The following SBF2 variants were observed in gnomAD, a reference collection of about 807,000 sequenced individuals.
SBF2 encodes SET binding factor 2.
SBF2 carries 112 observed loss-of-function variants against 225.2 expected under a neutral mutation model. The observed-to-expected ratio is 0.50, with a 90% CI of 0.43 to 0.58. SBF2 has a LOEUF of 0.58. SBF2 is among the 20% of genes least tolerant of loss of function. SBF2 has a pLI of 0.00. For synonymous variants in SBF2, 763 were observed against 773.3 expected (o/e 0.99, Z 0.22); for missense variants, 1,996 against 2,206.2 (o/e 0.90, Z 1.91).
intron 19 of SBF2, among the ~76,000 whole-genome samples, 188 bp downstream of exon 19, chr11:9,856,270 G>A (rs1017895189): frequency 6.6e-6 from 1 of 152,182 alleles, no homozygotes; most frequent in African/African-American, 2.4e-5. Context: ...TGTGGGAAGT[G>A]GTTAAGAATA....
chr11:10,180,999 A>C (rs756637302), intron 2 of SBF2, among the ~76,000 whole-genome samples: 5 of 152,112 alleles, frequency 3.3e-5, no homozygotes, highest in Non-Finnish European at 7.4e-5. Context: ...TCTTTGGAAA[A>C]AATAAAAGCT....
At chr11:10,269,816 C>G (rs1962323957) in intron 1 of SBF2, among the ~76,000 whole-genome samples, 1 of 152,100 alleles carries the variant, frequency 6.6e-6, no homozygotes, top group Admixed American at 6.6e-5. Context: ...GGCTAGAGTA[C>G]AGTAGTGCAA....
Position 9,779,691 on chromosome 11 carries a change from A to G in SBF2, c.*727T>C, listed in dbSNP as rs1851897874. The G allele has an allele frequency of 6.5e-6, 1 of 152,940 alleles. No homozygotes were observed. Among genetic ancestry groups the G allele is most frequent in the Non-Finnish European group, 1.5e-5 (1 of 68,266 alleles). 9.5% of individuals were successfully genotyped at this position (152,940 alleles called of 1,614,324 possible). A position where few individuals can be genotyped will look rare whatever the true frequency, so the allele number is the denominator to read the frequency against. Reference sequence around the variant, plus strand: ...AGCTGTCAGGAAGCAGAAGATACATAAGAACACAAGGCCCTGGATCCTCAG... The same window carrying G: ...AGCTGTCAGGAAGCAGAAGATACATGAGAACACAAGGCCCTGGATCCTCAG... On this transcript the variant is annotated 3_prime_UTR_variant, in exon 40 of 40. Coordinates refer to ENST00000256190, the MANE Select transcript of SBF2 (RefSeq NM_030962.4).
chr11:10,239,996 A>C (rs1385523375), intron 1 of SBF2, among the ~76,000 whole-genome samples: 1 of 152,152 alleles, frequency 6.6e-6, no homozygotes, highest in Non-Finnish European at 1.5e-5. Context: ...CCCAATCAGC[A>C]CTGGAGGTGC....
Position 9,785,133 on chromosome 11 carries a change from A to T in SBF2, c.5223T>A (p.Asp1741Glu). The change falls in exon 37 of 40, where the codon GAT (aspartate) becomes GAA (glutamate). Residue 1741 changes from aspartate to glutamate, a missense_variant. By Grantham distance (45) the Asp-to-Glu change is conservative. Coordinates refer to ENST00000256190, the MANE Select transcript of SBF2 (RefSeq NM_030962.4). ...TLYSQYTSKN[D>E]ENRSFEGTLY... is the part of the protein sequence containing the mutation. ...AGGGTTCAGCATGTCACCTGTTTTC[A>T]TCATTCTTGGATGTATACTGGCTAT... is the stretch of plus-strand genomic sequence containing the variant. 1.2e-6 allele frequency: 2 copies of T among 1,612,724 alleles called. No homozygotes were observed. Among genetic ancestry groups the T allele is most frequent in the Non-Finnish European group, 1.7e-6 (2 of 1,180,002 alleles).
At chr11:10,169,000 T>C (rs879088744) in intron 2 of SBF2, among the ~76,000 whole-genome samples, 5 of 152,166 alleles carry the variant, frequency 3.3e-5, no homozygotes, top group Admixed American at 2.0e-4. Flanking sequence ...AGCATTTAAT[T>C]GGAGAAAAAT....
At chr11:10,169,039 T>C (rs548746915) in intron 2 of SBF2, among the ~76,000 whole-genome samples, 8 of 152,140 alleles carry the variant, frequency 5.3e-5, no homozygotes, top group Non-Finnish European at 1.0e-4. Context: ...CTCAATGAAA[T>C]CTTTTTTGAA....
rs1851863705 is a variant in SBF2, at chr11:9,778,824, A to G, written c.*1594T>C. The G allele has an allele frequency of 6.6e-6, 1 of 152,666 alleles. No individual in the cohort carries two copies. The highest frequency in any genetic ancestry group is 6.5e-5 in the Admixed American group (1 of 15,278). 9.5% of individuals were successfully genotyped at this position (152,666 alleles called of 1,614,324 possible). ...TAAATTTAATTCAAGGTGGTTAGTG[A>G]ATGTGAGGCAATGTAATGCCTTCAC... On this transcript the variant is annotated 3_prime_UTR_variant, in exon 40 of 40. Coordinates refer to ENST00000256190, the MANE Select transcript of SBF2 (RefSeq NM_030962.4).
chr11:10,047,854 A>G lies in SBF2; in HGVS notation c.142-4873T>C, dbSNP rs1459789383. Among the ~76,000 whole-genome samples, 3 of 152,324 alleles carry G rather than the reference A, an allele frequency of 2.0e-5. No homozygotes were observed. In the East Asian group the frequency reaches 5.8e-4, roughly 29 times the overall value. On this transcript the variant is annotated intron_variant, in intron 2 of 39. Transcript: ENST00000256190. The stretch of plus-strand genomic sequence containing the variant: ...TAGCAATTTATTCAAAATATTATTG[A>G]TAACTTAAGAATCATTTATTCTATG...
intron 2 of SBF2, among the ~76,000 whole-genome samples, chr11:10,061,986 A>C (rs895959464): frequency 6.6e-6 from 1 of 152,194 alleles, no homozygotes. Context: ...GTACTGGTAC[A>C]AGCACAGACA....
At chr11:9,962,129 T>G in intron 15 of SBF2, 23 bp from the exon 16 acceptor site, 1 of 1,612,824 alleles carries the variant, frequency 6.2e-7, no homozygotes. Flanking sequence ...GAGGTACAAA[T>G]GACCAAATGG....
At chr11:10,301,857 A>G (rs993354741) in intron 1 of SBF2, among the ~76,000 whole-genome samples, 3 of 152,214 alleles carry the variant, frequency 2.0e-5, no homozygotes, top group African/African-American at 7.2e-5. Flanking sequence ...CCTTTAGCAT[A>G]TGTGTATGTG....
At chr11:9,949,543 TA>T (rs1244953864) in intron 16 of SBF2, among the ~76,000 whole-genome samples, 1 of 152,166 alleles carries the variant, frequency 6.6e-6, no homozygotes, top group Non-Finnish European at 1.5e-5. Flanking sequence ...CTGACTGAGA[TA>T]ATCATAATTC....
chr11:9,867,773 A>T (rs1590267948), intron 17 of SBF2, among the ~76,000 whole-genome samples: 1 of 152,302 alleles, frequency 6.6e-6, no homozygotes, highest in East Asian at 1.9e-4. Context: ...GGCACAGGAT[A>T]AATATCACAT....
chr11:10,041,713 C>T (rs1949663925), intron 3 of SBF2, among the ~76,000 whole-genome samples: 1 of 151,694 alleles, frequency 6.6e-6, no homozygotes, highest in Non-Finnish European at 1.5e-5. Context: ...AAATTCAGAT[C>T]TTAGAGTTTA....
At chr11:9,889,927 G>T (rs11042531) in intron 17 of SBF2, among the ~76,000 whole-genome samples, 1 of 151,600 alleles carries the variant, frequency 6.6e-6, no homozygotes. Context: ...TTTTTGAGAC[G>T]GAGTCTCACT....
chr11:9,800,924 T>C (rs961840401), intron 32 of SBF2, among the ~76,000 whole-genome samples: 7 of 152,186 alleles, frequency 4.6e-5, no homozygotes, highest in African/African-American at 7.2e-5. Flanking sequence ...GTCTTTTTTT[T>C]CTCAAGCAGT....
chr11:10,200,265 T>C (rs1163637264), intron 1 of SBF2, among the ~76,000 whole-genome samples: 1 of 152,176 alleles, frequency 6.6e-6, no homozygotes, highest in Non-Finnish European at 1.5e-5. Flanking sequence ...ACCTAACTCT[T>C]AGAGCTCTTG....
intron 26 of SBF2, 92 bp from the exon 27 acceptor site, chr11:9,832,512 G>T (rs961157475): frequency 4.5e-6 from 4 of 882,098 alleles, no homozygotes; most frequent in African/African-American, 1.7e-5. Flanking sequence ...GGGAGACAGA[G>T]AATATAAGAA....
Sources: allele counts gnomAD v4.1 joint callset (sites outside exome capture counted in the v4.1 genomes callset), GRCh38; gene constraint gnomAD v4.1.1; transcripts MANE v1.5; gene names NCBI Gene and HGNC (gene_info 2026-07-23, HGNC 2026-07-21).